Variants in GPR176 observed in about 807,000 individuals in gnomAD.
GPR176 encodes the protein G-protein coupled receptor 176.
A neutral mutation model predicts 35.4 loss-of-function variants in GPR176; 26 were observed. The observed-to-expected ratio is 0.74, with a 90% CI of 0.54 to 1.02. The LOEUF (loss-of-function observed/expected upper bound fraction) is 1.02. Among genes scored for constraint, GPR176 ranks in the 50% least tolerant of loss-of-function variants. The probability of loss-of-function intolerance (pLI) is 0.00; values close to 1 mark genes in which losing one functional copy is unlikely to be tolerated. For missense variants in GPR176, 597 were observed against 665.3 expected (o/e 0.90, Z 1.13); for synonymous variants, 278 against 271.3 (o/e 1.02, Z -0.24).
chr15:39,893,866 C>T (rs1332057836), intron 1 of GPR176, among the ~76,000 whole-genome samples: 1 of 143,188 alleles, frequency 7.0e-6, no homozygotes, highest in Non-Finnish European at 1.5e-5. Flanking sequence ...CGGGCAGAGG[C>T]GCCCCTCACC....
At chr15:39,879,386 T>G (rs1487389862) in intron 1 of GPR176, among the ~76,000 whole-genome samples, 1 of 152,182 alleles carries the variant, frequency 6.6e-6, no homozygotes, top group Non-Finnish European at 1.5e-5. Context: ...AGGTCAGTGG[T>G]CATCAGCTGA....
At chr15:39,862,176 T>C (rs767359049) in intron 1 of GPR176, 1 of 152,180 alleles carries the variant, frequency 6.6e-6, no homozygotes, top group Non-Finnish European at 1.5e-5. Context: ...AACAGAATTA[T>C]CAAAATTTTA....
intron 1 of GPR176, among the ~76,000 whole-genome samples, chr15:39,869,152 T>TAAAAAAAAAA (rs66463189): frequency 7.7e-6 from 1 of 130,026 alleles, no homozygotes; most frequent in African/African-American, 2.9e-5. Flanking sequence ...AACTGCTTTT[T>TAAAAAAAAAA]AAAAAAAAAA....
chr15:39,821,430 CCA>C (rs1595449297), intron 1 of GPR176, among the ~76,000 whole-genome samples: 1 of 152,178 alleles, frequency 6.6e-6, no homozygotes. Flanking sequence ...TTTCATTAAG[CCA>C]CAGTTTCCAT....
chr15:39,861,689 A>T (rs566721162), intron 1 of GPR176, among the ~76,000 whole-genome samples: 30 of 152,238 alleles, frequency 2.0e-4, no homozygotes, highest in Non-Finnish European at 4.1e-4. Context: ...AAAGAGTGAC[A>T]TAAACAGTGT....
intron 1 of GPR176, among the ~76,000 whole-genome samples, chr15:39,841,392 T>C (rs1294467116): frequency 6.7e-6 from 1 of 148,608 alleles, no homozygotes; most frequent in Admixed American, 6.7e-5. Flanking sequence ...AAATACGGTC[T>C]TTGTAGAGCA....
intron 1 of GPR176, among the ~76,000 whole-genome samples, chr15:39,873,118 A>G (rs1269483143): frequency 6.6e-6 from 1 of 152,228 alleles, no homozygotes; most frequent in Admixed American, 6.5e-5. Context: ...AACATATATT[A>G]AACATTAAGC....
intron 1 of GPR176, chr15:39,813,534 C>T (rs1309624343): frequency 6.6e-6 from 1 of 152,154 alleles, no homozygotes; most frequent in Non-Finnish European, 1.5e-5. Flanking sequence ...TGACTCTTAC[C>T]TTTGCTTCTC....
chr15:39,898,378 A>G (rs575860422), intron 1 of GPR176, among the ~76,000 whole-genome samples: 2 of 152,342 alleles, frequency 1.3e-5, no homozygotes, highest in East Asian at 3.9e-4. Flanking sequence ...TGCACCCCAG[A>G]GAGGGAAAAC....
At chr15:39,802,300 A>T in intron 2 of GPR176, 46 bp from the exon 3 acceptor site, 1 of 1,412,910 alleles carries the variant, frequency 7.1e-7, no homozygotes, top group Non-Finnish European at 9.6e-7. Context: ...GATACTTTTT[A>T]AATTAGGGGA....
intron 1 of GPR176, among the ~76,000 whole-genome samples, chr15:39,838,974 C>T (rs916328457): frequency 2.0e-5 from 3 of 152,148 alleles, no homozygotes; most frequent in African/African-American, 7.2e-5. Context: ...TGATAAGCAA[C>T]TTCAGCAAAG....
chr15:39,858,928 G>A (rs1174559818), intron 1 of GPR176, among the ~76,000 whole-genome samples: 11 of 151,872 alleles, frequency 7.2e-5, no homozygotes, highest in Admixed American at 4.6e-4. Context: ...TATATTTTTA[G>A]TAGAGACAGG....
chr15:39,898,670 T>C (rs1171192819), intron 1 of GPR176, among the ~76,000 whole-genome samples: 2 of 152,044 alleles, frequency 1.3e-5, no homozygotes, highest in East Asian at 1.9e-4. Flanking sequence ...AGGAGCCATG[T>C]AGGGGATGTC....
At chr15:39,809,905 G>A (rs1899430656) in intron 1 of GPR176, among the ~76,000 whole-genome samples, 1 of 152,100 alleles carries the variant, frequency 6.6e-6, no homozygotes, top group African/African-American at 2.4e-5. Flanking sequence ...CAGCACTTTG[G>A]GAGGCTGAGG....
intron 1 of GPR176, among the ~76,000 whole-genome samples, chr15:39,868,367 A>G (rs1713918702): frequency 6.6e-6 from 1 of 152,212 alleles, no homozygotes; most frequent in Admixed American, 6.5e-5. Flanking sequence ...AAACCAGCCT[A>G]AAAACAAGCA....
intron 1 of GPR176, among the ~76,000 whole-genome samples, chr15:39,885,594 G>A (rs983065366): frequency 3.9e-5 from 6 of 152,038 alleles, no homozygotes. Context: ...ATCTAGGTAT[G>A]AAGCAATCTT....
At chr15:39,838,364 T>C (rs1411110494) in intron 1 of GPR176, among the ~76,000 whole-genome samples, 2 of 152,168 alleles carry the variant, frequency 1.3e-5, no homozygotes, top group Admixed American at 6.6e-5. Context: ...CTTACTATTG[T>C]AGACTAAAAG....
At chr15:39,865,964 G>C (rs78911242) in intron 1 of GPR176, among the ~76,000 whole-genome samples, 9,665 of 152,076 alleles carry the variant, frequency 0.064, 377 homozygotes, top group Middle Eastern at 0.18. Context: ...TCCACCAAGA[G>C]GGAACCAGTT....
chr15:39,814,027 C>T (rs940483627), intron 1 of GPR176, among the ~76,000 whole-genome samples: 4 of 152,184 alleles, frequency 2.6e-5, no homozygotes, highest in African/African-American at 4.8e-5. Context: ...TGCAGCCTCA[C>T]TAAAATGTTT....
Sources: allele counts gnomAD v4.1 joint callset (sites outside exome capture counted in the v4.1 genomes callset), GRCh38; gene constraint gnomAD v4.1.1; transcripts MANE v1.5; gene names NCBI Gene and HGNC (gene_info 2026-07-23, HGNC 2026-07-21).